ZFHX3: variants seen among roughly 807,000 people sequenced by gnomAD.
ZFHX3 encodes the protein zinc finger homeobox protein 3.
In ZFHX3, 42 loss-of-function variants were observed where a neutral mutation model predicts 279.1. The observed-to-expected ratio is 0.15, with a 90% confidence interval of 0.12 to 0.19. The LOEUF (loss-of-function observed/expected upper bound fraction) is 0.19. ZFHX3 is among the 10% of genes least tolerant of loss of function. ZFHX3 has a pLI of 1.00. For synonymous variants in ZFHX3, 2,293 were observed against 1,957.8 expected, an observed-to-expected ratio of 1.17 and a Z score of -4.52; for missense variants, 4,981 against 4,754.0, an observed-to-expected ratio of 1.05 and a Z score of -1.40.
chr16:73,406,681 G>A (rs1160096737), intron 3 of ZFHX3, among the ~76,000 whole-genome samples: 3 of 152,186 alleles, frequency 2.0e-5, no homozygotes, highest in Non-Finnish European at 2.9e-5. Context: ...AATCCTGCCT[G>A]TATCTGGAAC....
chr16:73,171,647 G>T (rs1338877292), intron 5 of ZFHX3, among the ~76,000 whole-genome samples: 1 of 152,206 alleles, frequency 6.6e-6, no homozygotes, highest in East Asian at 1.9e-4. Flanking sequence ...ACTGTTAGCA[G>T]TTAATTGCCA....
intron 1 of ZFHX3, among the ~76,000 whole-genome samples, chr16:72,987,490 T>C (rs1322413611): frequency 6.6e-6 from 1 of 152,134 alleles, no homozygotes; most frequent in Non-Finnish European, 1.5e-5. Flanking sequence ...ACCTGCCCTA[T>C]TTTCTTCCCA....
rs1318548896 is a variant in ZFHX3 at position 73,682,914 on chromosome 16, AAGAGAGAAAG to A, written c.-1607-2684_-1607-2675del. Among the ~76,000 whole-genome samples, 273 of 47,472 alleles carry A rather than the reference AAGAGAGAAAG, an allele frequency of 5.8e-3. 20 individuals carry two copies. The highest frequency in any genetic ancestry group is 7.6e-3 in the South Asian group (9 of 1,192). 31.1% of individuals were successfully genotyped at this position (47,472 alleles called of 152,430 possible). On this transcript the variant is annotated intron_variant, in intron 1 of 17. Transcript: ENST00000641206. ...AGAAAGAAAGAAAGAAAGAGAAAGA[AAGAGAGAAAG>A]AGAAAGAAAGAAAGAAAGAAAGAAA...
chr16:73,414,650 A>T (rs959054361), intron 3 of ZFHX3, among the ~76,000 whole-genome samples: 1 of 152,200 alleles, frequency 6.6e-6, no homozygotes, highest in Non-Finnish European at 1.5e-5. Flanking sequence ...AGCCTGAGCA[A>T]CATAGGGAGA....
At chr16:73,707,638 C>T (rs983676584) in intron 1 of ZFHX3, among the ~76,000 whole-genome samples, 20 of 150,410 alleles carry the variant, frequency 1.3e-4, no homozygotes, top group African/African-American at 4.9e-4. Flanking sequence ...ATACCTAATG[C>T]TAAATGACAA....
chr16:73,100,156 C>G (rs576994778), intron 7 of ZFHX3, among the ~76,000 whole-genome samples: 15 of 152,268 alleles, frequency 9.9e-5, no homozygotes, highest in African/African-American at 3.4e-4. Flanking sequence ...AGTAGCCAAA[C>G]ATACTGGGTT....
chr16:73,329,279 C>T (rs1053177037), intron 3 of ZFHX3, among the ~76,000 whole-genome samples: 9 of 152,116 alleles, frequency 5.9e-5, no homozygotes, highest in Non-Finnish European at 1.2e-4. Context: ...GTGGGGAGCA[C>T]GGGGGAGGGA....
rs2036452857 is a variant in ZFHX3 at position 72,811,676 on chromosome 16, G to T, written c.3765C>A (p.Pro1255=). The T allele has an allele frequency of 1.2e-6, 2 of 1,613,932 alleles. No individual in the cohort carries two copies. The highest frequency in any genetic ancestry group is 4.5e-5 in the East Asian group (2 of 44,892). The change falls in exon 7 of 10, where the codon CCC becomes CCA. Residue 1255 remains proline (P), a synonymous_variant. Transcript: ENST00000268489. ...QHSVQPMLRC[P]LCQDMLNNKI... is the part of the protein sequence containing the mutation. ...TGTTGTTGAGCATGTCCTGGCACAG[G>T]GGGCAGCGAAGCATGGGTTGCACCG...
chr16:72,903,147 G>A (rs1362960778), intron 3 of ZFHX3, among the ~76,000 whole-genome samples: 3 of 152,154 alleles, frequency 2.0e-5, no homozygotes, highest in Non-Finnish European at 2.9e-5. Flanking sequence ...TTCCTGCTGC[G>A]AGAGTTCGAG....
At chr16:73,288,845 G>A (rs2014698714) in intron 4 of ZFHX3, among the ~76,000 whole-genome samples, 1 of 151,786 alleles carries the variant, frequency 6.6e-6, no homozygotes, top group South Asian at 2.1e-4. Flanking sequence ...TGAAACTGCA[G>A]AAATGTCAAT....
intron 4 of ZFHX3, among the ~76,000 whole-genome samples, chr16:72,873,064 C>G (rs2038205108): frequency 6.6e-6 from 1 of 152,206 alleles, no homozygotes; most frequent in African/African-American, 2.4e-5. Flanking sequence ...AATTCCTCAC[C>G]CTCGAAGGCC....
rs778179203 is a variant in ZFHX3, at chr16:72,788,234, G to A, written c.10042C>T (p.Leu3348=). 6.2e-7 allele frequency: 1 copy of A among 1,614,124 alleles called. No homozygotes were observed. The highest frequency in any genetic ancestry group is 8.5e-7 in the Non-Finnish European group (1 of 1,180,008). The part of the protein sequence containing the change: ...MEGLFPYSPA[L]SQALMGLSPG... ...GACAGCCCCATCAGGGCCTGCGACAGTGCAGGGCTGTAGGGGAACAGGCCT... is the reference window on the plus strand; with the variant it reads ...GACAGCCCCATCAGGGCCTGCGACAATGCAGGGCTGTAGGGGAACAGGCCT... Residue 3348 remains leucine (L), a synonymous_variant, in exon 10 of 10, where the codon CTG becomes TTG. Transcript: ENST00000268489.
chr16:73,808,220 A>C (rs553817468), intron 1 of ZFHX3, among the ~76,000 whole-genome samples: 2 of 152,244 alleles, frequency 1.3e-5, no homozygotes, highest in Non-Finnish European at 2.9e-5. Flanking sequence ...TCATGAGCAC[A>C]TGCTCATTTT....
At chr16:73,799,995 T>A (rs947165286) in intron 1 of ZFHX3, among the ~76,000 whole-genome samples, 1 of 152,104 alleles carries the variant, frequency 6.6e-6, no homozygotes, top group African/African-American at 2.4e-5. Flanking sequence ...CTAAGCAACA[T>A]AGCAAGACCC....
At chr16:73,088,334 G>A (rs1044268905) in intron 8 of ZFHX3, among the ~76,000 whole-genome samples, 2 of 151,536 alleles carry the variant, frequency 1.3e-5, no homozygotes, top group East Asian at 1.9e-4. Flanking sequence ...TGTATTTTTC[G>A]TAGAGATGGG....
chr16:73,561,229 C>T (rs982524827), intron 2 of ZFHX3, among the ~76,000 whole-genome samples: 2 of 152,172 alleles, frequency 1.3e-5, no homozygotes, highest in Non-Finnish European at 2.9e-5. Context: ...TTTCCACTGA[C>T]AGTGGACATT....
At chr16:72,903,694 G>C (rs1022607952) in intron 3 of ZFHX3, among the ~76,000 whole-genome samples, 6 of 152,206 alleles carry the variant, frequency 3.9e-5, no homozygotes, top group African/African-American at 1.4e-4. Flanking sequence ...AGTTGAGAAA[G>C]ATCATGAAAT....
intron 2 of ZFHX3, among the ~76,000 whole-genome samples, chr16:73,489,996 G>A (rs1478554727): frequency 6.6e-6 from 1 of 152,114 alleles, no homozygotes; most frequent in East Asian, 1.9e-4. Flanking sequence ...ATCAAATCAA[G>A]TGGAAAAACA....
At chr16:72,955,776 CAA>C (rs11441187) in intron 2 of ZFHX3, among the ~76,000 whole-genome samples, 4 of 106,138 alleles carry the variant, frequency 3.8e-5, no homozygotes, top group African/African-American at 3.8e-5. Flanking sequence ...GACTCTGTCT[CAA>C]AAAAAAAAAA....
Sources: gnomAD v4.1 joint callset for allele counts (sites outside exome capture counted in the v4.1 genomes callset) on GRCh38, gnomAD v4.1.1 for gene constraint, MANE v1.5 for transcripts, NCBI Gene and HGNC (gene_info 2026-07-23, HGNC 2026-07-21) for gene names.